KIF15: variants seen among roughly 807,000 people sequenced by gnomAD.
KIF15 encodes the protein kinesin family member 15.
A neutral mutation model predicts 190.6 loss-of-function variants in KIF15; 140 were observed. The observed-to-expected ratio is 0.73, with a 90% CI of 0.64 to 0.84. The LOEUF is 0.84. Among genes scored for constraint, KIF15 ranks in the 40% least tolerant of loss-of-function variants. The probability of loss-of-function intolerance (pLI) is 0.00; values close to 1 mark genes in which losing one functional copy is unlikely to be tolerated. For synonymous variants in KIF15, 528 were observed against 551.3 expected, an observed-to-expected ratio of 0.96 and a Z score of 0.59; for missense variants, 1,372 against 1,584.4, an observed-to-expected ratio of 0.87 and a Z score of 2.28.
rs1707076093 is a variant in KIF15, at chr3:44,797,994, A to C, written c.1098+38A>C. ...CGTATACTTCATTAAATAAATGAGA[A>C]AAATACTAAAGCTTACAGTATGCCA... is the stretch of plus-strand genomic sequence containing the variant. On this transcript the variant is annotated intron_variant, in intron 10 of 34. Transcript: ENST00000326047. The C allele has an allele frequency of 2.6e-6, 4 of 1,547,118 alleles. No homozygotes were observed. In the East Asian group the frequency reaches 9.1e-5, roughly 35 times the overall value.
chr3:44,766,731 A>G (rs1575568872), intron 1 of KIF15, among the ~76,000 whole-genome samples: 7 of 152,128 alleles, frequency 4.6e-5, no homozygotes, highest in Admixed American at 6.5e-5. Context: ...ATGTTCTTGA[A>G]CAGATGTTTC....
chr3:44,829,596 A>ATGTATATAT (rs1697921300), intron 24 of KIF15, among the ~76,000 whole-genome samples: 2 of 124,830 alleles, frequency 1.6e-5, no homozygotes, highest in African/African-American at 6.8e-5. Flanking sequence ...ATTATATATT[A>ATGTATATAT]TATATGCATA....
intron 1 of KIF15, among the ~76,000 whole-genome samples, chr3:44,769,317 C>G (rs1705545385): frequency 6.6e-6 from 1 of 152,038 alleles, no homozygotes; most frequent in African/African-American, 2.4e-5. Context: ...GCAGGTGTCC[C>G]TGGTTCCTTT....
At chr3:44,807,476 C>T (rs948703981) in intron 16 of KIF15, among the ~76,000 whole-genome samples, 3 of 152,144 alleles carry the variant, frequency 2.0e-5, no homozygotes, top group East Asian at 1.9e-4. Flanking sequence ...CCGCCCGTCT[C>T]GCCTCCCAAA....
chr3:44,786,533 G>A lies in KIF15; in HGVS notation c.598G>A (p.Ala200Thr). The A allele has an allele frequency of 6.2e-7, 1 of 1,613,110 alleles. No individual in the cohort carries two copies. Among genetic ancestry groups the A allele is most frequent in the Non-Finnish European group, 8.5e-7 (1 of 1,179,354 alleles). The change falls in exon 7 of 35, where the codon GCG becomes ACG. Residue 200 changes from alanine to threonine, a missense_variant. Physicochemically the swap from Ala to Thr is moderately conservative, Grantham distance 58. Transcript: ENST00000326047. ...CAAGAAGGGAGTCTTTGTTGTTGGT[G>A]CGGTGGAGCAGGTGGTAACCTCAGC... Reference protein sequence around the residue: ...HIKKGVFVVGAVEQVVTSAAE... With the variant: ...HIKKGVFVVGTVEQVVTSAAE...
chr3:44,866,071 T>G, intron 6 of KIF15, among the ~76,000 whole-genome samples: 1 of 133,114 alleles, frequency 7.5e-6, no homozygotes, highest in Non-Finnish European at 1.6e-5. Flanking sequence ...TGTTTTTTTG[T>G]TTTTTTGGGT....
intron 6 of KIF15, among the ~76,000 whole-genome samples, chr3:44,867,260 C>T (rs1166682633): frequency 6.6e-6 from 1 of 152,308 alleles, no homozygotes; most frequent in Non-Finnish European, 1.5e-5. Flanking sequence ...CAGTAAGGGG[C>T]CTGTTCCATA....
chr3:44,848,278 A>C (rs1698938624), intron 31 of KIF15, among the ~76,000 whole-genome samples: 1 of 152,246 alleles, frequency 6.6e-6, no homozygotes, highest in Non-Finnish European at 1.5e-5. Context: ...CAGCATGCAC[A>C]CATATAATTC....
intron 4 of KIF15, among the ~76,000 whole-genome samples, chr3:44,779,222 C>CCCCTTGTT (rs1706051397): frequency 6.6e-6 from 1 of 152,112 alleles, no homozygotes; most frequent in Non-Finnish European, 1.5e-5. Flanking sequence ...CCCCTTCTTA[C>CCCCTTGTT]TTTATGATGC....
At chr3:44,825,622 A>G (rs1697598798) in intron 20 of KIF15, among the ~76,000 whole-genome samples, 3 of 152,252 alleles carry the variant, frequency 2.0e-5, no homozygotes, top group Admixed American at 2.0e-4. Flanking sequence ...TAGAGCTGAG[A>G]GGATGTATGA....
chr3:44,807,501 G>A (rs1707568618), intron 16 of KIF15, among the ~76,000 whole-genome samples: 1 of 152,154 alleles, frequency 6.6e-6, no homozygotes, highest in South Asian at 2.1e-4. Flanking sequence ...TGGGATTATA[G>A]GTGTGAGCCA....
chr3:44,828,220 A>G lies in KIF15; in HGVS notation c.2863A>G (p.Lys955Glu), dbSNP rs1413147020. 6.2e-6 allele frequency: 10 copies of G among 1,612,186 alleles called. No individual in the cohort carries two copies. Among genetic ancestry groups the G allele is most frequent in the South Asian group, 5.5e-5 (5 of 90,934 alleles). Residue 955 changes from lysine (K) to glutamate (E), a missense_variant, in exon 24 of 35, where the codon AAA (lysine) becomes GAA (glutamate). Transcript: ENST00000326047. ...TATTTCTTTTTCACCATAGATGGCA[A>G]AAGTACAGAAACTAGAAGAGAGCTT... ...ETAKCEQQMAKVQKLEESLLA... is the reference protein window; with the variant it reads ...ETAKCEQQMAEVQKLEESLLA...
intron 1 of KIF15, chr3:44,766,012 A>AT: frequency 6.3e-6 from 1 of 159,742 alleles, no homozygotes; most frequent in Non-Finnish European, 1.4e-5. Context: ...TTTGTTTTGT[A>AT]TTTTTAGTAG....
chr3:44,801,550 A>T, intron 12 of KIF15, 24 bp downstream of exon 12: 7 of 1,411,396 alleles, frequency 5.0e-6, no homozygotes, highest in Non-Finnish European at 7.0e-6. Flanking sequence ...TTAGTAATAA[A>T]GGAGATTCAA....
intron 1 of KIF15, among the ~76,000 whole-genome samples, chr3:44,769,842 T>C (rs1469574399): frequency 1.3e-5 from 2 of 152,204 alleles, no homozygotes; most frequent in Admixed American, 6.5e-5. Context: ...CACACCCAGA[T>C]AACTGGTGGC....
At chr3:44,836,901 G>GTTTC (rs1307458738) in intron 26 of KIF15, among the ~76,000 whole-genome samples, 1 of 152,216 alleles carries the variant, frequency 6.6e-6, no homozygotes, top group Non-Finnish European at 1.5e-5. Context: ...GTAAGGAAAA[G>GTTTC]GAGTTGGTTA....
At chr3:44,809,720 G>A (rs1189643750) in intron 16 of KIF15, among the ~76,000 whole-genome samples, 1 of 152,010 alleles carries the variant, frequency 6.6e-6, no homozygotes, top group Non-Finnish European at 1.5e-5. Context: ...GCATGGTGGT[G>A]TGCACCTTTG....
chr3:44,823,104 T>G (rs1171923697), intron 20 of KIF15, among the ~76,000 whole-genome samples: 1 of 152,204 alleles, frequency 6.6e-6, no homozygotes, highest in African/African-American at 2.4e-5. Flanking sequence ...TTTTAGAATT[T>G]TCAGCTTTTC....
intron 5 of KIF15, among the ~76,000 whole-genome samples, chr3:44,782,570 A>C (rs1010468711): frequency 6.6e-6 from 1 of 152,240 alleles, no homozygotes; most frequent in South Asian, 2.1e-4. Context: ...GGGAATACAC[A>C]ATTAAAAGCA....
Sources: gnomAD v4.1 joint callset for allele counts (sites outside exome capture counted in the v4.1 genomes callset) on GRCh38, gnomAD v4.1.1 for gene constraint, MANE v1.5 for transcripts, NCBI Gene and HGNC (gene_info 2026-07-23, HGNC 2026-07-21) for gene names.